PCGF5: variants seen among roughly 807,000 people sequenced by gnomAD.
The protein encoded by PCGF5 is polycomb group ring finger 5.
In PCGF5, 9 loss-of-function variants were observed where a neutral mutation model predicts 44.3. The ratio of observed to expected loss-of-function variants is 0.20; its 90% CI spans 0.12 to 0.35. The LOEUF is 0.35. Among genes scored for constraint, PCGF5 ranks in the 10% least tolerant of loss-of-function variants. PCGF5 has a pLI of 1.00. For synonymous variants in PCGF5, 95 were observed against 102.5 expected (o/e 0.93, Z 0.44); for missense variants, 146 against 305.3 (o/e 0.48, Z 3.89).
At chr10:91,220,504 A>C (rs1421671257), upstream of PCGF5, 2 of 152,464 alleles carry the variant, frequency 1.3e-5, no homozygotes, top group South Asian at 1.8e-4. Context: ...ACCTGCGAGC[A>C]GCGCAGGCGG....
intron 6 of PCGF5, 91 bp from the exon 7 acceptor site, chr10:91,261,235 T>C (rs1845901322): frequency 6.0e-6 from 8 of 1,337,036 alleles, no homozygotes; most frequent in Non-Finnish European, 6.8e-6. Context: ...CTCAAAATGA[T>C]AGTGAAACTG....
chr10:91,198,028 C>T (rs1191528327), intron 1 of PCGF5, among the ~76,000 whole-genome samples: 2 of 152,120 alleles, frequency 1.3e-5, no homozygotes, highest in Non-Finnish European at 2.9e-5. Flanking sequence ...AAATACGTGC[C>T]CTCACAGAGC....
rs1316607224 is a variant in PCGF5 at position 91,283,053 on chromosome 10, T to G, written c.*4737T>G. On this transcript the variant is annotated 3_prime_UTR_variant, in exon 10 of 10. Transcript: ENST00000336126. Reference sequence around the variant, plus strand: ...TCTGGATTTACCTGACAAACCTAGTTGAGTAGCATTTTGACAGAAAATATC... The same window carrying G: ...TCTGGATTTACCTGACAAACCTAGTGGAGTAGCATTTTGACAGAAAATATC... The G allele has an allele frequency of 1.3e-5, 2 of 152,172 alleles. No individual in the cohort carries two copies. The highest frequency in any genetic ancestry group is 4.8e-5 in the African/African-American group (2 of 41,462). 9.4% of individuals were successfully genotyped at this position (152,172 alleles called of 1,614,324 possible). A position where few individuals can be genotyped will look rare whatever the true frequency, so the allele number is the denominator to read the frequency against.
intron 6 of PCGF5, among the ~76,000 whole-genome samples, chr10:91,253,142 A>G (rs558155659): frequency 9.0e-4 from 136 of 151,634 alleles, no homozygotes; most frequent in Non-Finnish European, 1.4e-3. Flanking sequence ...ATTTTAGGAG[A>G]TCTTCTCCAT....
At chr10:91,227,761 C>T in intron 2 of PCGF5, 1 of 999,698 alleles carries the variant, frequency 1.0e-6, no homozygotes, top group Non-Finnish European at 1.2e-6. Flanking sequence ...ACCACTTCCT[C>T]CCCTACCACC....
intron 3 of PCGF5, among the ~76,000 whole-genome samples, chr10:91,247,529 A>G (rs186275469): frequency 2.0e-5 from 3 of 150,902 alleles, no homozygotes; most frequent in Non-Finnish European, 3.0e-5. Flanking sequence ...AGAAACCTCT[A>G]TGTGTTTGTA....
At chr10:91,250,419 G>A (rs1845595038) in intron 5 of PCGF5, among the ~76,000 whole-genome samples, 1 of 150,256 alleles carries the variant, frequency 6.7e-6, no homozygotes, top group South Asian at 2.1e-4. Context: ...CACTCCCAAA[G>A]TTTGGGTTTA....
Position 91,170,595 on chromosome 10 carries a change from G to A in PCGF5, c.-184+7514G>A, listed in dbSNP as rs146991448. Among the ~76,000 whole-genome samples, 860 of 152,266 alleles carry A rather than the reference G, an allele frequency of 5.6e-3. 12 individuals carry two copies. The highest frequency in any genetic ancestry group is 0.019 in the African/African-American group (806 of 41,542). On this transcript the variant is annotated intron_variant, in intron 1 of 9. Coordinates refer to the PCGF5 transcript ENST00000614189. ...ACACAATTGAAATGGCCAAAATTCAGAACACTGACAACAGCAAATGCTGAC... is the reference window on the plus strand; with the variant it reads ...ACACAATTGAAATGGCCAAAATTCAAAACACTGACAACAGCAAATGCTGAC...
intron 1 of PCGF5, among the ~76,000 whole-genome samples, chr10:91,180,134 C>A (rs1413892674): frequency 6.6e-6 from 1 of 152,076 alleles, no homozygotes. Flanking sequence ...TTATTGGCGG[C>A]ATGTATGTCT....
In PCGF5 at chr10:91,278,315, A is replaced by T; in HGVS notation, c.770A>T (p.Ter257LeuextTer8). 1 of 1,611,162 alleles carries T rather than the reference A, an allele frequency of 6.2e-7. No individual in the cohort carries two copies. The change falls in exon 10 of 10, where the codon TAG becomes TTG. Residue 257 changes from the stop codon to leucine (L), a stop_lost. Transcript: ENST00000336126. ...TATCGACCAAGAATTGATTTCGGTTAGACCAAGGGGCCCAGACCTCACTGA... is the reference window on the plus strand; with the variant it reads ...TATCGACCAAGAATTGATTTCGGTTTGACCAAGGGGCCCAGACCTCACTGA... ...LQYRPRIDFG[*>L] is the part of the protein sequence containing the mutation.
chr10:91,174,864 A>G (rs1843674559), intron 1 of PCGF5, among the ~76,000 whole-genome samples: 2 of 152,234 alleles, frequency 1.3e-5, no homozygotes, highest in African/African-American at 4.8e-5. Flanking sequence ...TCTCTCCTGC[A>G]ACACCATTAC....
At chr10:91,261,233 G>C in intron 6 of PCGF5, 93 bp from the exon 7 acceptor site, 1 of 1,323,420 alleles carries the variant, frequency 7.6e-7, no homozygotes, top group South Asian at 2.1e-5. Flanking sequence ...TACTCAAAAT[G>C]ATAGTGAAAC....
At chr10:91,275,136 G>A (rs533643852) in intron 9 of PCGF5, among the ~76,000 whole-genome samples, 6 of 151,994 alleles carry the variant, frequency 3.9e-5, no homozygotes, top group Non-Finnish European at 8.8e-5. Context: ...ATGTATGATA[G>A]AAAAAGGTTT....
chr10:91,198,811 T>C (rs954396992), intron 1 of PCGF5, among the ~76,000 whole-genome samples: 1 of 152,220 alleles, frequency 6.6e-6, no homozygotes, highest in Admixed American at 6.5e-5. Context: ...TTTTGTGCAA[T>C]GAAGAGCCCT....
chr10:91,187,366 G>A (rs1032170412), intron 1 of PCGF5, among the ~76,000 whole-genome samples: 4 of 152,090 alleles, frequency 2.6e-5, no homozygotes, highest in Admixed American at 2.0e-4. Context: ...TAGTGATCTG[G>A]CAGGCACCTT....
intron 1 of PCGF5, among the ~76,000 whole-genome samples, chr10:91,203,783 A>G (rs901461967): frequency 1.3e-5 from 2 of 152,220 alleles, no homozygotes; most frequent in African/African-American, 4.8e-5. Flanking sequence ...TAAATTTTAT[A>G]GATCCTTTAT....
At chr10:91,265,021 A>T (rs1846015814) in intron 8 of PCGF5, among the ~76,000 whole-genome samples, 1 of 152,160 alleles carries the variant, frequency 6.6e-6, no homozygotes, top group Admixed American at 6.6e-5. Context: ...GTGCTTTCTG[A>T]TGCCAGAATT....
At chr10:91,271,831 C>T in intron 9 of PCGF5, 134 bp downstream of exon 9, 2 of 637,136 alleles carry the variant, frequency 3.1e-6, no homozygotes, top group Non-Finnish European at 5.4e-6. Flanking sequence ...ATCTTTTCAA[C>T]TTATATACCC....
intron 1 of PCGF5, among the ~76,000 whole-genome samples, chr10:91,190,811 A>G (rs1844019109): frequency 6.6e-6 from 1 of 152,232 alleles, no homozygotes; most frequent in African/African-American, 2.4e-5. Flanking sequence ...TAGGTATTCA[A>G]AAAGCAGAAG....
Sources: gnomAD v4.1 joint callset for allele counts (sites outside exome capture counted in the v4.1 genomes callset) on GRCh38, gnomAD v4.1.1 for gene constraint, MANE v1.5 for transcripts, NCBI Gene and HGNC (gene_info 2026-07-23, HGNC 2026-07-21) for gene names.